The following INO80C variants were observed in gnomAD, a reference collection of about 807,000 sequenced individuals.
INO80C encodes the protein IES6 homolog.
Under a neutral mutation model 17.7 loss-of-function variants are expected in INO80C, and 17 were observed. The observed-to-expected ratio is 0.96, with a 90% CI of 0.66 to 1.44. The LOEUF is 1.44. Among genes scored for constraint, INO80C ranks in the 40% most tolerant of loss-of-function variants. The pLI, the probability that INO80C is intolerant of heterozygous loss-of-function variation, is 0.00. For synonymous variants in INO80C, 96 were observed against 95.8 expected, an observed-to-expected ratio of 1.00 and a Z score of -0.01; for missense variants, 244 against 245.0, an observed-to-expected ratio of 1.00 and a Z score of 0.03.
Position 35,468,547 on chromosome 18 carries a change from A to G in INO80C, c.*64T>C. On this transcript the variant is annotated 3_prime_UTR_variant, in exon 5 of 5. Transcript: ENST00000334598. The stretch of plus-strand genomic sequence containing the variant: ...AGCAGAACGAGTTTGTTTCCGTGAA[A>G]CAAAATCATGAGTCCAGAGTCTGTT... 6.2e-7 allele frequency: 1 copy of G among 1,603,872 alleles called. No homozygotes were observed.
At chr18:35,488,562 G>T (rs533433584) in intron 1 of INO80C, among the ~76,000 whole-genome samples, 1 of 152,146 alleles carries the variant, frequency 6.6e-6, no homozygotes. Context: ...CAGCAGAGGG[G>T]TCCCTGGGTC....
chr18:35,469,256 C>A (rs1411493102), intron 4 of INO80C, among the ~76,000 whole-genome samples: 1 of 152,212 alleles, frequency 6.6e-6, no homozygotes, highest in Non-Finnish European at 1.5e-5. Flanking sequence ...CCATTCACAC[C>A]CACCCTTCCC....
chr18:35,473,423 C>T lies in INO80C; in HGVS notation c.448-4681G>A, dbSNP rs78319847. ...GACCATGGGGCAGAGGTGGAGCTCA[C>T]GCAGAGCTCAGATTCAGGGGCTACT... On this transcript the variant is annotated intron_variant, in intron 4 of 4. Coordinates refer to ENST00000334598, the MANE Select transcript of INO80C (RefSeq NM_194281.4). Among the ~76,000 whole-genome samples, 1,190 of 152,256 alleles carry T rather than the reference C, an allele frequency of 7.8e-3. 21 individuals are homozygous for T. Among genetic ancestry groups the T allele is most frequent in the African/African-American group, 0.027 (1,140 of 41,544 alleles).
intron 1 of INO80C, among the ~76,000 whole-genome samples, chr18:35,496,184 T>C (rs2045979276): frequency 6.6e-6 from 1 of 152,242 alleles, no homozygotes; most frequent in African/African-American, 2.4e-5. Flanking sequence ...AAAGCATCTA[T>C]CTACACAAAG....
At chr18:35,497,355 C>G (rs2144101326) in intron 1 of INO80C, 1 of 985,460 alleles carries the variant, frequency 1.0e-6, no homozygotes, top group Non-Finnish European at 1.2e-6. Context: ...GCCTCAAAGA[C>G]ACTGGGTAGA....
At chr18:35,497,354 A>G in intron 1 of INO80C, 1 of 985,418 alleles carries the variant, frequency 1.0e-6, no homozygotes, top group African/African-American at 1.7e-5. Context: ...CGCCTCAAAG[A>G]CACTGGGTAG....
At chr18:35,497,434 T>C in intron 1 of INO80C, 1 of 1,226,580 alleles carries the variant, frequency 8.2e-7, no homozygotes, top group Non-Finnish European at 1.0e-6. Context: ...GTCCTGAACC[T>C]CATGCTAAAG....
In INO80C at chr18:35,477,014, C is replaced by A. The variant is rs145496385; in HGVS notation, c.447+1268G>T. On this transcript the variant is annotated intron_variant, in intron 4 of 4. Transcript: ENST00000334598. Reference sequence around the variant, plus strand: ...ATCCCAGCACTTTGGGAGGCCAAGGCAGGAGGATCACTTGAGGTCAGGAGT... The same window carrying A: ...ATCCCAGCACTTTGGGAGGCCAAGGAAGGAGGATCACTTGAGGTCAGGAGT... Among the ~76,000 whole-genome samples, 154 of 152,324 alleles carry A rather than the reference C, an allele frequency of 1.0e-3. 1 individual carries two copies. Among genetic ancestry groups the A allele is most frequent in the Non-Finnish European group, 1.9e-3 (131 of 68,024 alleles).
rs376865543 is a variant in INO80C at position 35,486,344 on chromosome 18, G to C, written c.157-5781C>G. ...CAGAAAGTAGATCAGTGGTTGCCAGGGGCTGGCAGAACAGGGGAATGGAAA... is the reference window on the plus strand; with the variant it reads ...CAGAAAGTAGATCAGTGGTTGCCAGCGGCTGGCAGAACAGGGGAATGGAAA... On this transcript the variant is annotated intron_variant, in intron 1 of 4. Coordinates refer to ENST00000334598, the MANE Select transcript of INO80C (RefSeq NM_194281.4). Among the ~76,000 whole-genome samples the C allele has an allele frequency of 3.9e-5, 6 of 152,290 alleles. No individual in the cohort carries two copies. The East Asian group carries it at 1.2e-3, about 29-fold the overall frequency.
chr18:35,479,228 A>G (rs1388273331), intron 3 of INO80C, 72 bp downstream of exon 3: 1 of 938,938 alleles, frequency 1.1e-6, no homozygotes, highest in Non-Finnish European at 1.7e-6. Flanking sequence ...ACACAATACA[A>G]TAATGTAGGT....
At chr18:35,480,795 C>T (rs566378961) in intron 1 of INO80C, among the ~76,000 whole-genome samples, 78 of 152,302 alleles carry the variant, frequency 5.1e-4, no homozygotes, top group African/African-American at 1.8e-3. Context: ...CTATGTTTCC[C>T]GGGTACCCTA....
At chr18:35,482,664 G>C (rs1294268432) in intron 1 of INO80C, among the ~76,000 whole-genome samples, 1 of 152,112 alleles carries the variant, frequency 6.6e-6, no homozygotes, top group Non-Finnish European at 1.5e-5. Flanking sequence ...CAGTGCAAAT[G>C]TCAACTTTAA....
At chr18:35,497,528 C>A in intron 1 of INO80C, 191 bp downstream of exon 1, 1 of 1,395,628 alleles carries the variant, frequency 7.2e-7, no homozygotes, top group Non-Finnish European at 9.3e-7. Context: ...CCTTACAACA[C>A]AAGGCGTTGT....
chr18:35,472,323 T>C (rs1179337158), intron 4 of INO80C, among the ~76,000 whole-genome samples: 1 of 152,346 alleles, frequency 6.6e-6, no homozygotes, highest in East Asian at 1.9e-4. Flanking sequence ...TATCTCACTG[T>C]GGTTTTGATT....
chr18:35,489,394 G>T, intron 1 of INO80C: 1 of 241,522 alleles, frequency 4.1e-6, no homozygotes. Context: ...GTCTTACATG[G>T]CAGCAGGCAA....
chr18:35,479,885 C>CTT (rs35108119), intron 2 of INO80C, among the ~76,000 whole-genome samples: 4 of 136,698 alleles, frequency 2.9e-5, no homozygotes, highest in Admixed American at 7.4e-5. Flanking sequence ...CTAGGTACCT[C>CTT]TTTTTTTTTT....
At chr18:35,486,786 T>TA (rs374753662) in intron 1 of INO80C, among the ~76,000 whole-genome samples, 2,122 of 79,152 alleles carry the variant, frequency 0.027, 69 homozygotes, top group African/African-American at 0.083. Context: ...CCCAATTTCT[T>TA]AAAAAAAAAA....
intron 4 of INO80C, among the ~76,000 whole-genome samples, chr18:35,473,348 A>G (rs2045693271): frequency 6.6e-6 from 1 of 152,228 alleles, no homozygotes; most frequent in African/African-American, 2.4e-5. Flanking sequence ...AGAAGCTCAC[A>G]AGGTAAGTTC....
chr18:35,468,447 CTAAAAAAAAAAAAAACCCT>C lies in INO80C; in HGVS notation c.*145_*163del. The C allele has an allele frequency of 9.0e-6, 12 of 1,337,348 alleles. No homozygotes were observed. The highest frequency in any genetic ancestry group is 1.1e-5 in the Non-Finnish European group (12 of 1,048,498). 82.8% of individuals were successfully genotyped at this position (1,337,348 alleles called of 1,614,324 possible). ...ATCACACTTGGAGGGAAAACACACA[CTAAAAAAAAAAAAAACCCT>C]TAAATTAAAGCCAAACATTCTTTCC... On this transcript the variant is annotated 3_prime_UTR_variant, in exon 5 of 5. Transcript: ENST00000334598.
Sources: gnomAD v4.1 joint callset for allele counts (sites outside exome capture counted in the v4.1 genomes callset) on GRCh38, gnomAD v4.1.1 for gene constraint, MANE v1.5 for transcripts, NCBI Gene and HGNC (gene_info 2026-07-23, HGNC 2026-07-21) for gene names.